Variants in CABIN1 observed in about 807,000 individuals in gnomAD.
The protein encoded by CABIN1 is calcineurin binding protein 1, also known as calcineurin-binding protein cabin-1.
CABIN1 carries 133 observed loss-of-function variants against 227.7 expected under a neutral mutation model. That is an observed-to-expected ratio of 0.58 (90% confidence interval 0.51 to 0.67). The LOEUF is 0.67. CABIN1 is among the 30% of genes least tolerant of loss of function. CABIN1 has a pLI of 0.00. For missense variants in CABIN1, 2,408 were observed against 2,852.5 expected, an observed-to-expected ratio of 0.84 and a Z score of 3.55; for synonymous variants, 1,086 against 1,155.1, an observed-to-expected ratio of 0.94 and a Z score of 1.21.
chr22:24,160,372 G>A (rs1273361312), intron 29 of CABIN1: 2 of 152,298 alleles, frequency 1.3e-5, no homozygotes, highest in East Asian at 1.9e-4. Context: ...TGCCCTAGAA[G>A]TGGAGGAAGC....
At chr22:24,056,402 A>G in intron 10 of CABIN1, 42 bp downstream of exon 10, 1 of 1,596,118 alleles carries the variant, frequency 6.3e-7, no homozygotes, top group Non-Finnish European at 8.6e-7. Flanking sequence ...AAACCCACAA[A>G]GCTCCAGCAT....
intron 5 of CABIN1, among the ~76,000 whole-genome samples, 192 bp downstream of exon 5, chr22:24,041,465 G>A (rs1387872086): frequency 6.6e-6 from 1 of 152,118 alleles, no homozygotes; most frequent in African/African-American, 2.4e-5. Context: ...CAGGGGCTGG[G>A]GCAGAGCACA....
rs781422852 is a variant in CABIN1 at position 24,036,118 on chromosome 22, C to A, written c.33C>A (p.Ser11=). The part of the protein sequence containing the change: MIRIAALNAS[S]TIEDDHEGSF... ...GAATTGCAGCCTTAAATGCCAGCTC[C>A]ACCATTGAGGATGATCATGAAGGAA... Residue 11 remains serine (S), a synonymous_variant, in exon 3 of 37, where the codon TCC becomes TCA. Transcript: ENST00000263119. 1.9e-5 allele frequency: 30 copies of A among 1,613,798 alleles called. No homozygotes were observed. The highest frequency in any genetic ancestry group is 1.8e-5 in the Non-Finnish European group (21 of 1,179,880).
intron 10 of CABIN1, among the ~76,000 whole-genome samples, chr22:24,058,316 C>T (rs888116807): frequency 3.3e-5 from 5 of 152,242 alleles, no homozygotes; most frequent in African/African-American, 1.2e-4. Flanking sequence ...AGCAACCACA[C>T]TTAACTTAGT....
chr22:24,091,477 G>A, intron 23 of CABIN1, 106 bp from the exon 24 acceptor site: 1 of 1,344,688 alleles, frequency 7.4e-7, no homozygotes, highest in Non-Finnish European at 1.1e-6. Context: ...GTTGTTAAGA[G>A]GAGTATAAAC....
At chr22:24,172,075 G>C in intron 34 of CABIN1, 80 bp downstream of exon 34, 1 of 1,503,912 alleles carries the variant, frequency 6.6e-7, no homozygotes, top group Non-Finnish European at 9.0e-7. Context: ...TGTGAGTATG[G>C]GTAAGGGAGG....
At chr22:24,155,995 C>G (rs2148540782) in intron 29 of CABIN1, 3 of 567,882 alleles carry the variant, frequency 5.3e-6, no homozygotes, top group South Asian at 4.0e-5. Flanking sequence ...CCGCCGCGAG[C>G]GAGAGAGCGA....
intron 1 of CABIN1, among the ~76,000 whole-genome samples, chr22:24,028,347 A>G (rs1311496141): frequency 6.6e-6 from 1 of 152,226 alleles, no homozygotes. Flanking sequence ...GGGACTGTTA[A>G]AGTCCTATTT....
intron 24 of CABIN1, among the ~76,000 whole-genome samples, chr22:24,092,751 A>G (rs2041632031): frequency 6.7e-6 from 1 of 150,204 alleles, no homozygotes; most frequent in South Asian, 2.1e-4. Flanking sequence ...ACAACTCAGA[A>G]GTGTACAGTG....
At chr22:24,093,386 A>T (rs1204162590) in intron 24 of CABIN1, among the ~76,000 whole-genome samples, 1 of 151,590 alleles carries the variant, frequency 6.6e-6, no homozygotes, top group East Asian at 2.0e-4. Context: ...CCTTATCTCT[A>T]CTAAAAATTA....
chr22:24,036,069 C>T lies in CABIN1; in HGVS notation c.4-20C>T, dbSNP rs372605584. 53 of 1,579,862 alleles carry T rather than the reference C, an allele frequency of 3.4e-5. No homozygotes were observed. The highest frequency in any genetic ancestry group is 5.4e-5 in the African/African-American group (4 of 74,178). The stretch of plus-strand genomic sequence containing the variant: ...ACATCTCAAAGCAACTTGTCTCTTC[C>T]ACCAAACCCCTGTTTCTAGATTCGA... On this transcript the variant is annotated intron_variant, in intron 2 of 36. Transcript: ENST00000263119.
At chr22:24,103,669 G>A (rs917282075) in intron 26 of CABIN1, among the ~76,000 whole-genome samples, 1 of 152,148 alleles carries the variant, frequency 6.6e-6, no homozygotes, top group African/African-American at 2.4e-5. Flanking sequence ...CAGGGGACAG[G>A]GGAGGCTGTC....
In CABIN1 at chr22:24,084,896, G is replaced by GA. The variant is rs1413634063; in HGVS notation, c.3118-110_3118-109insA. On this transcript the variant is annotated intron_variant, in intron 21 of 36. Coordinates refer to ENST00000263119, the MANE Select transcript of CABIN1 (RefSeq NM_012295.4). ...TTTTTCTGCTCTGTACCAGACTGAGGGGCAGGAGAGGCTGGAGAGTCTGTC... is the reference window on the plus strand; with the variant it reads ...TTTTTCTGCTCTGTACCAGACTGAGGAGGCAGGAGAGGCTGGAGAGTCTGTC... 2.8e-5 allele frequency: 43 copies of GA among 1,559,054 alleles called. No individual in the cohort carries two copies. In the East Asian group the frequency reaches 9.0e-4, roughly 33 times the overall value.
At chr22:24,065,082 A>C (rs1330926530) in intron 15 of CABIN1, among the ~76,000 whole-genome samples, 1 of 151,876 alleles carries the variant, frequency 6.6e-6, no homozygotes, top group East Asian at 1.9e-4. Flanking sequence ...CTCACTTCCC[A>C]GTAGGGGCGG....
chr22:24,043,152 T>G, intron 6 of CABIN1, 68 bp downstream of exon 6: 1 of 1,482,196 alleles, frequency 6.7e-7, no homozygotes, highest in South Asian at 1.1e-5. Context: ...AAAGGCAGTT[T>G]GGGTAAACTG....
chr22:24,086,641 C>T (rs1054372658), intron 22 of CABIN1, among the ~76,000 whole-genome samples: 5 of 152,226 alleles, frequency 3.3e-5, no homozygotes, highest in Admixed American at 6.5e-5. Context: ...GGCGTCTGTC[C>T]ATTTGATTGC....
In CABIN1 at chr22:24,061,233, C is replaced by A. The variant is rs150470088; in HGVS notation, c.1618-714C>A. On this transcript the variant is annotated intron_variant, in intron 12 of 36. Transcript: ENST00000263119. ...CCCAGCCTCCTCCACTTGGTGCCTC[C>A]TGGAGCTCAAGGGAACACAAGGTGC... Among the ~76,000 whole-genome samples the A allele has an allele frequency of 7.5e-4, 114 of 152,348 alleles. 1 individual carries two copies. Among genetic ancestry groups the A allele is most frequent in the African/African-American group, 2.6e-3 (110 of 41,574 alleles).
At position 24,175,940 on chromosome 22, in the gene CABIN1, G is replaced by A. The variant is rs2047079359; in HGVS notation, c.6041-171G>A. Reference sequence around the variant, plus strand: ...ACCAGTGTCCTCTTGGGTGGTGAGTGGTTTCTTGGCAGCACCAACCTGGAC... The same window carrying A: ...ACCAGTGTCCTCTTGGGTGGTGAGTAGTTTCTTGGCAGCACCAACCTGGAC... On this transcript the variant is annotated intron_variant, in intron 34 of 36. Coordinates refer to ENST00000263119, the MANE Select transcript of CABIN1 (RefSeq NM_012295.4). 22 of 757,442 alleles carry A rather than the reference G, an allele frequency of 2.9e-5. No homozygotes were observed. In the South Asian group the frequency reaches 3.5e-4, roughly 12 times the overall value. The allele number at this position is 757,442 out of a possible 1,614,324, so 46.9% of individuals were successfully genotyped here.
chr22:24,091,883 G>A (rs2041566022), intron 24 of CABIN1, 40 bp downstream of exon 24: 3 of 1,606,824 alleles, frequency 1.9e-6, no homozygotes, highest in Middle Eastern at 1.7e-4. Context: ...GCAGGGCAGG[G>A]GCAGGCTGGT....
Sources: gnomAD v4.1 joint callset for allele counts (sites outside exome capture counted in the v4.1 genomes callset) on GRCh38, gnomAD v4.1.1 for gene constraint, MANE v1.5 for transcripts, NCBI Gene and HGNC (gene_info 2026-07-23, HGNC 2026-07-21) for gene names.